CRIM1: variants seen among roughly 807,000 people sequenced by gnomAD.
The protein encoded by CRIM1 is cysteine rich transmembrane BMP regulator 1.
CRIM1 carries 32 observed loss-of-function variants against 116.4 expected under a neutral mutation model. The ratio of observed to expected loss-of-function variants is 0.27; its 90% CI spans 0.21 to 0.37. CRIM1 has a LOEUF of 0.37. Among genes scored for constraint, CRIM1 ranks in the 10% least tolerant of loss-of-function variants. The probability of loss-of-function intolerance (pLI) is 1.00; values close to 1 mark genes in which losing one functional copy is unlikely to be tolerated. For missense variants in CRIM1, 1,331 were observed against 1,354.8 expected, an observed-to-expected ratio of 0.98 and a Z score of 0.28; for synonymous variants, 590 against 509.2, an observed-to-expected ratio of 1.16 and a Z score of -2.13.
At chr2:36,488,481 G>A (rs1679994383) in intron 7 of CRIM1, among the ~76,000 whole-genome samples, 1 of 152,144 alleles carries the variant, frequency 6.6e-6, no homozygotes, top group African/African-American at 2.4e-5. Context: ...TTGGTCCAGG[G>A]GTCATACCAT....
At chr2:36,484,070 G>C (rs1679629052) in intron 7 of CRIM1, among the ~76,000 whole-genome samples, 1 of 152,162 alleles carries the variant, frequency 6.6e-6, no homozygotes, top group African/African-American at 2.4e-5. Flanking sequence ...CTCAGCTCTG[G>C]GCTCCATCCC....
chr2:36,540,346 ATGCAG>A (rs1272245442), intron 14 of CRIM1, among the ~76,000 whole-genome samples: 1 of 152,212 alleles, frequency 6.6e-6, no homozygotes, highest in African/African-American at 2.4e-5. Flanking sequence ...TGCAACTCTC[ATGCAG>A]ACCATAAGTG....
intron 11 of CRIM1, among the ~76,000 whole-genome samples, chr2:36,515,148 G>C (rs929935400): frequency 4.6e-5 from 7 of 152,176 alleles, no homozygotes; most frequent in Admixed American, 3.3e-4. Flanking sequence ...TTTAATTATA[G>C]GTGTGAATGC....
rs182329982 is a variant in CRIM1 at position 36,505,102 on chromosome 2, G to A, written c.1502-4881G>A. 6.6e-5 allele frequency among the ~76,000 whole-genome samples: 10 copies of A among 152,294 alleles called. No homozygotes were observed. The East Asian group carries it at 1.9e-3, about 29-fold the overall frequency. On this transcript the variant is annotated intron_variant, in intron 8 of 16. Coordinates refer to ENST00000280527, the MANE Select transcript of CRIM1 (RefSeq NM_016441.3). ...GGCAGGCTCCTTGTTTTATTTCACTGTAATTCTAAACTAACACCTATCAGG... is the reference window on the plus strand; with the variant it reads ...GGCAGGCTCCTTGTTTTATTTCACTATAATTCTAAACTAACACCTATCAGG...
chr2:36,425,437 TG>T (rs1434045203), intron 2 of CRIM1, among the ~76,000 whole-genome samples: 3 of 152,202 alleles, frequency 2.0e-5, no homozygotes, highest in Admixed American at 6.5e-5. Flanking sequence ...AAAACTCACT[TG>T]AAGAACTCTA....
chr2:36,452,783 T>G (rs1302028614), intron 4 of CRIM1, among the ~76,000 whole-genome samples: 1 of 152,176 alleles, frequency 6.6e-6, no homozygotes, highest in African/African-American at 2.4e-5. Flanking sequence ...AGTCAGTGGC[T>G]TCCAGTTTAA....
intron 2 of CRIM1, among the ~76,000 whole-genome samples, chr2:36,423,683 T>G (rs982736976): frequency 7.2e-5 from 11 of 152,344 alleles, no homozygotes; most frequent in African/African-American, 1.9e-4. Flanking sequence ...TATCATTTGT[T>G]TGTTAGACTT....
chr2:36,434,061 C>T (rs908142501), intron 2 of CRIM1, among the ~76,000 whole-genome samples: 9 of 151,826 alleles, frequency 5.9e-5, no homozygotes, highest in African/African-American at 2.2e-4. Context: ...GCAAAGCTTG[C>T]CAAAAAAGGT....
intron 5 of CRIM1, among the ~76,000 whole-genome samples, chr2:36,467,546 A>T (rs889021246): frequency 2.2e-4 from 33 of 152,362 alleles, no homozygotes; most frequent in African/African-American, 7.5e-4. Context: ...GGTCTATTTT[A>T]TATGTATAAA....
chr2:36,431,583 G>A (rs572382057), intron 2 of CRIM1, among the ~76,000 whole-genome samples: 2 of 152,248 alleles, frequency 1.3e-5, no homozygotes, highest in East Asian at 1.9e-4. Flanking sequence ...TTAAAATCAC[G>A]TAAGATCACA....
chr2:36,503,497 C>T (rs1241465630), intron 8 of CRIM1, among the ~76,000 whole-genome samples: 2 of 152,316 alleles, frequency 1.3e-5, no homozygotes, highest in South Asian at 2.1e-4. Flanking sequence ...TCTTCTGAGT[C>T]GGCCCAAGCT....
chr2:36,363,218 A>G (rs952525057), intron 1 of CRIM1, among the ~76,000 whole-genome samples: 3 of 151,174 alleles, frequency 2.0e-5, no homozygotes, highest in African/African-American at 7.3e-5. Context: ...AAAAAAAAAA[A>G]GAACTTGGTT....
At position 36,356,625 on chromosome 2, in the gene CRIM1, T is replaced by TA. The variant is rs759271357; in HGVS notation, c.331+3dup. On this transcript the variant is annotated splice_region_variant and intron_variant, in intron 1 of 16. Coordinates refer to ENST00000280527, the MANE Select transcript of CRIM1 (RefSeq NM_016441.3). This position sits in a 1 kb window ranked among gnomAD's most constrained non-coding sequence, Gnocchi z 4.3. The stretch of plus-strand genomic sequence containing the variant: ...AGTACGAAGCGGGCGTTTGCGAAGG[T>TA]ACGGCCGCCCGCTGCGGGCCCCCTC... 4.9e-5 allele frequency: 79 copies of TA among 1,602,480 alleles called. 2 individuals carry two copies. The East Asian group carries it at 1.7e-3, about 35-fold the overall frequency.
intron 2 of CRIM1, among the ~76,000 whole-genome samples, chr2:36,423,186 C>T (rs1465229061): frequency 6.6e-6 from 1 of 152,138 alleles, no homozygotes; most frequent in African/African-American, 2.4e-5. Flanking sequence ...AGTTTGTTTT[C>T]AGAACTGATT....
chr2:36,444,890 T>G (rs527659447), intron 4 of CRIM1, among the ~76,000 whole-genome samples: 1 of 152,216 alleles, frequency 6.6e-6, no homozygotes, highest in Non-Finnish European at 1.5e-5. Context: ...CTTTGAAGTG[T>G]TGTCACTCTT....
At chr2:36,476,250 G>A (rs760318501) in intron 5 of CRIM1, among the ~76,000 whole-genome samples, 16 of 152,042 alleles carry the variant, frequency 1.1e-4, no homozygotes, top group Non-Finnish European at 1.3e-4. Flanking sequence ...GGCTTCTGTC[G>A]TTTGCTGTGT....
chr2:36,444,229 C>G (rs1355963227), intron 4 of CRIM1, among the ~76,000 whole-genome samples: 2 of 152,154 alleles, frequency 1.3e-5, no homozygotes, highest in East Asian at 3.8e-4. Flanking sequence ...ACATAGGAGG[C>G]ACGGTCAGCT....
At chr2:36,508,654 A>G (rs886096370) in intron 8 of CRIM1, among the ~76,000 whole-genome samples, 1 of 152,234 alleles carries the variant, frequency 6.6e-6, no homozygotes. Flanking sequence ...CAAATTCTAT[A>G]TTTAATTCAC....
intron 8 of CRIM1, among the ~76,000 whole-genome samples, chr2:36,506,461 A>T (rs1459803251): frequency 6.6e-6 from 1 of 152,062 alleles, no homozygotes; most frequent in Non-Finnish European, 1.5e-5. Flanking sequence ...CCTCTAGGGG[A>T]CACCATCCAC....
Sources: gnomAD v4.1 joint callset for allele counts (sites outside exome capture counted in the v4.1 genomes callset) on GRCh38, gnomAD v4.1.1 for gene constraint, Gnocchi (gnomAD v3.1) non-coding constraint, MANE v1.5 for transcripts, NCBI Gene and HGNC (gene_info 2026-07-23, HGNC 2026-07-21) for gene names.